Variants in AGBL1 observed in about 807,000 individuals in gnomAD.
AGBL1 encodes AGBL carboxypeptidase 1, also known as cytosolic carboxypeptidase 4.
AGBL1 carries 130 observed loss-of-function variants against 118.9 expected under a neutral mutation model. The ratio of observed to expected loss-of-function variants is 1.09; its 90% confidence interval spans 0.95 to 1.26. The LOEUF is 1.26. Among genes scored for constraint, AGBL1 ranks in the 50% most tolerant of loss-of-function variants. AGBL1 has a pLI of 0.00. For synonymous variants in AGBL1, 555 were observed against 478.9 expected (o/e 1.16, Z -2.08); for missense variants, 1,584 against 1,298.1 (o/e 1.22, Z -3.38).
At chr15:86,602,229 C>A (rs117579606) in intron 21 of AGBL1, among the ~76,000 whole-genome samples, 84 of 152,256 alleles carry the variant, frequency 5.5e-4, no homozygotes, top group Non-Finnish European at 9.4e-4. Context: ...TAATTCATCA[C>A]ATGTTGTATG....
chr15:86,985,311 T>C (rs1341694352), intron 23 of AGBL1, among the ~76,000 whole-genome samples: 1 of 152,224 alleles, frequency 6.6e-6, no homozygotes, highest in East Asian at 1.9e-4. Flanking sequence ...ATCAGGAACT[T>C]CCTAATGATT....
chr15:86,434,829 A>G (rs893314241), intron 18 of AGBL1, among the ~76,000 whole-genome samples: 2 of 152,198 alleles, frequency 1.3e-5, no homozygotes, highest in African/African-American at 4.8e-5. Context: ...TTAAATGGAC[A>G]TAGCTTCCTC....
chr15:86,266,085 G>A (rs531288278), intron 11 of AGBL1, among the ~76,000 whole-genome samples: 2 of 152,256 alleles, frequency 1.3e-5, no homozygotes, highest in South Asian at 2.1e-4. Context: ...GTCCCCCAAC[G>A]CAAGTGCTTT....
intron 16 of AGBL1, among the ~76,000 whole-genome samples, chr15:86,285,353 G>A (rs1442193155): frequency 2.0e-5 from 3 of 152,052 alleles, no homozygotes; most frequent in Non-Finnish European, 4.4e-5. Context: ...TGGTTTGGCT[G>A]TGTCCCCACC....
At chr15:86,580,533 T>G (rs1423720303) in intron 21 of AGBL1, among the ~76,000 whole-genome samples, 1 of 152,176 alleles carries the variant, frequency 6.6e-6, no homozygotes, top group Non-Finnish European at 1.5e-5. Context: ...GTACTCAGTC[T>G]GTACATACAT....
chr15:86,132,300 C>G (rs775226606), intron 1 of AGBL1, among the ~76,000 whole-genome samples: 3 of 152,134 alleles, frequency 2.0e-5, no homozygotes, highest in Non-Finnish European at 4.4e-5. Context: ...AGGAGCCTCC[C>G]TGTCCTGAAT....
chr15:86,833,429 T>C (rs2079133239), intron 22 of AGBL1, among the ~76,000 whole-genome samples: 1 of 152,082 alleles, frequency 6.6e-6, no homozygotes, highest in South Asian at 2.1e-4. Context: ...TGAGTAAGTC[T>C]CAGAAGATCT....
At chr15:86,929,325 G>A (rs2080579748) in intron 23 of AGBL1, among the ~76,000 whole-genome samples, 2 of 152,104 alleles carry the variant, frequency 1.3e-5, no homozygotes, top group East Asian at 1.9e-4. Context: ...TTGTGGCTCT[G>A]AACAAAAAGA....
intron 23 of AGBL1, among the ~76,000 whole-genome samples, chr15:86,935,790 C>G (rs1199341287): frequency 6.6e-6 from 1 of 152,182 alleles, no homozygotes; most frequent in Non-Finnish European, 1.5e-5. Flanking sequence ...CAGGGGAACT[C>G]AAGGTGACAA....
intron 22 of AGBL1, among the ~76,000 whole-genome samples, chr15:86,708,787 C>T (rs35293666): frequency 1.4e-5 from 1 of 71,872 alleles, no homozygotes; most frequent in East Asian, 4.2e-4. Flanking sequence ...GACAATATCA[C>T]CCTAGGCCAG....
intron 16 of AGBL1, among the ~76,000 whole-genome samples, chr15:86,284,624 T>G (rs969319035): frequency 6.6e-6 from 1 of 152,208 alleles, no homozygotes; most frequent in Non-Finnish European, 1.5e-5. Context: ...ACAAATAAAG[T>G]AGGCCATCTC....
intron 22 of AGBL1, among the ~76,000 whole-genome samples, chr15:86,714,794 T>G (rs2086613213): frequency 6.6e-6 from 1 of 151,928 alleles, no homozygotes; most frequent in Non-Finnish European, 1.5e-5. Flanking sequence ...ATGTAAAGGG[T>G]CCCCTGAAGG....
At chr15:86,400,279 A>T (rs2081424676) in intron 18 of AGBL1, among the ~76,000 whole-genome samples, 2 of 152,100 alleles carry the variant, frequency 1.3e-5, no homozygotes, top group South Asian at 4.1e-4. Flanking sequence ...CATGGATAAA[A>T]TCTAATCCCC....
chr15:86,859,717 T>A (rs2079534969), intron 22 of AGBL1, among the ~76,000 whole-genome samples: 1 of 152,096 alleles, frequency 6.6e-6, no homozygotes, highest in African/African-American at 2.4e-5. Flanking sequence ...AGAGAGTACA[T>A]AAGAAGTGTT....
At chr15:86,559,325 A>G (rs1664064637) in intron 21 of AGBL1, among the ~76,000 whole-genome samples, 1 of 152,252 alleles carries the variant, frequency 6.6e-6, no homozygotes, top group Non-Finnish European at 1.5e-5. Context: ...AAACTGGGTC[A>G]CACAAGAAAA....
intron 22 of AGBL1, among the ~76,000 whole-genome samples, chr15:86,709,565 A>AT (rs1297564873): frequency 2.6e-5 from 4 of 152,182 alleles, no homozygotes; most frequent in African/African-American, 4.8e-5. Context: ...CATTCAACAA[A>AT]TGACAATTTA....
chr15:86,783,186 G>A (rs538016289), intron 22 of AGBL1, among the ~76,000 whole-genome samples: 4 of 152,026 alleles, frequency 2.6e-5, no homozygotes, highest in African/African-American at 4.8e-5. Flanking sequence ...CCATGTCCCC[G>A]GTACTGCCTT....
At chr15:86,794,328 T>C (rs1381337125) in intron 22 of AGBL1, among the ~76,000 whole-genome samples, 1 of 152,154 alleles carries the variant, frequency 6.6e-6, no homozygotes, top group African/African-American at 2.4e-5. Flanking sequence ...ACCATTATGC[T>C]AAGTGAAAGA....
In AGBL1 at chr15:87,026,007, T is replaced by A. The variant is rs116733344; in HGVS notation, c.3324-2818T>A. Among the ~76,000 whole-genome samples, 779 of 152,080 alleles carry A rather than the reference T, an allele frequency of 5.1e-3. 6 individuals are homozygous for A. The highest frequency in any genetic ancestry group is 0.018 in the African/African-American group (752 of 41,494). On this transcript the variant is annotated intron_variant, in intron 24 of 24. Transcript: ENST00000441037. ...TCTGTCACCTTATACAAAAATCAAT[T>A]CAAGATTGATTAAGGACTTAAATAT...
Sources: allele counts gnomAD v4.1 joint callset (sites outside exome capture counted in the v4.1 genomes callset), GRCh38; gene constraint gnomAD v4.1.1; transcripts MANE v1.5; gene names NCBI Gene and HGNC (gene_info 2026-07-23, HGNC 2026-07-21).